SLC30A9: variants seen among roughly 807,000 people sequenced by gnomAD.
The protein encoded by SLC30A9 is solute carrier family 30 member 9.
A neutral mutation model predicts 87.5 loss-of-function variants in SLC30A9; 58 were observed. The ratio of observed to expected loss-of-function variants is 0.66; its 90% confidence interval spans 0.54 to 0.82. SLC30A9 has a LOEUF of 0.82. SLC30A9 is among the 40% of genes least tolerant of loss of function. SLC30A9 has a pLI of 0.00. For missense variants in SLC30A9, 557 were observed against 679.1 expected, an observed-to-expected ratio of 0.82 and a Z score of 2.00; for synonymous variants, 234 against 233.0, an observed-to-expected ratio of 1.00 and a Z score of -0.04.
In SLC30A9 at chr4:42,070,691, G is replaced by C. The variant is rs144592772; in HGVS notation, c.1418G>C (p.Arg473Thr). The stretch of plus-strand genomic sequence containing the variant: ...CTCCTGGAGAATGACCCATCAGTAA[G>C]GTCAGCCTTATTCCAGTAATCCTGT... ...TELLENDPSVRAIHDVKATDL... is the reference protein window; with the variant it reads ...TELLENDPSVTAIHDVKATDL... The change falls in exon 15 of 18, where the codon AGG becomes ACG. Residue 473 changes from arginine to threonine, a missense_variant and splice_region_variant. Physicochemically the swap from Arg to Thr is moderately conservative, Grantham distance 71. Coordinates refer to ENST00000264451, the MANE Select transcript of SLC30A9 (RefSeq NM_006345.4). The C allele has an allele frequency of 3.1e-6, 5 of 1,612,026 alleles. No homozygotes were observed. The African/African-American group carries it at 6.7e-5, about 22-fold the overall frequency.
intron 1 of SLC30A9, among the ~76,000 whole-genome samples, chr4:41,995,565 A>T (rs1383559625): frequency 6.6e-6 from 1 of 152,182 alleles, no homozygotes; most frequent in Non-Finnish European, 1.5e-5. Context: ...ATTTCATTCG[A>T]TAAGATGGCC....
At chr4:42,062,831 A>G (rs183802779) in intron 10 of SLC30A9, among the ~76,000 whole-genome samples, 155 bp from the exon 11 acceptor site, 15 of 152,300 alleles carry the variant, frequency 9.8e-5, no homozygotes, top group African/African-American at 1.4e-4. Context: ...TCCACTTTAC[A>G]TATTGCTTTT....
intron 17 of SLC30A9, among the ~76,000 whole-genome samples, chr4:42,085,681 C>T (rs540482708): frequency 5.5e-4 from 84 of 152,180 alleles, no homozygotes; most frequent in Middle Eastern, 3.4e-3. Flanking sequence ...GCACAGGGCC[C>T]GGCCCAAGAA....
chr4:42,018,463 A>T lies in SLC30A9; in HGVS notation c.334+293A>T, dbSNP rs147476941. On this transcript the variant is annotated intron_variant, in intron 3 of 17. Transcript: ENST00000264451. The stretch of plus-strand genomic sequence containing the variant: ...TTTAGAAGAGTAAGGCAATTAAAGA[A>T]CAAGAGGCCCACACTTTTCAGCTAC... The T allele has an allele frequency of 7.3e-5, 90 of 1,231,402 alleles. 1 individual carries two copies. The African/African-American group carries it at 1.4e-3, about 19-fold the overall frequency. The allele number at this position is 1,231,402 out of a possible 1,614,324, so 76.3% of individuals were successfully genotyped here.
At chr4:42,072,329 T>C (rs1718344829) in intron 15 of SLC30A9, among the ~76,000 whole-genome samples, 1 of 152,090 alleles carries the variant, frequency 6.6e-6, no homozygotes, top group African/African-American at 2.4e-5. Flanking sequence ...TAGTTTGCTC[T>C]TTTTCCACTG....
intron 1 of SLC30A9, among the ~76,000 whole-genome samples, chr4:41,992,900 TA>T (rs1714515017): frequency 6.6e-6 from 1 of 152,102 alleles, no homozygotes; most frequent in South Asian, 2.1e-4. Flanking sequence ...CAGTTGTTTT[TA>T]TTTGTCTAGA....
intron 13 of SLC30A9, 38 bp downstream of exon 13, chr4:42,066,659 C>T (rs1380026132): frequency 4.4e-6 from 6 of 1,374,438 alleles, no homozygotes; most frequent in African/African-American, 1.4e-5. Context: ...TTTCACCTCC[C>T]TTATTTGCTT....
chr4:42,043,924 TAAAGAA>T (rs1294875765), intron 8 of SLC30A9, among the ~76,000 whole-genome samples: 1 of 152,172 alleles, frequency 6.6e-6, no homozygotes, highest in Non-Finnish European at 1.5e-5. Context: ...TCAACATTCT[TAAAGAA>T]AAGAATTTTT....
At chr4:42,063,873 A>G (rs537859649) in intron 11 of SLC30A9, among the ~76,000 whole-genome samples, 1 of 152,262 alleles carries the variant, frequency 6.6e-6, no homozygotes, top group Non-Finnish European at 1.5e-5. Flanking sequence ...GTTTCCAGAC[A>G]GTGCTGAAGT....
chr4:42,061,564 C>T (rs1298902749), intron 10 of SLC30A9, among the ~76,000 whole-genome samples: 3 of 152,220 alleles, frequency 2.0e-5, no homozygotes, highest in African/African-American at 4.8e-5. Flanking sequence ...GGCAGGATTA[C>T]TCTTTGCAAA....
rs186006586 is a variant in SLC30A9, at chr4:42,010,524, C to A, written c.275-7587C>A. Among the ~76,000 whole-genome samples the A allele has an allele frequency of 3.2e-3, 487 of 152,248 alleles. 2 individuals carry two copies. Among genetic ancestry groups the A allele is most frequent in the African/African-American group, 0.011 (466 of 41,552 alleles). On this transcript the variant is annotated intron_variant, in intron 2 of 17. Coordinates refer to ENST00000264451, the MANE Select transcript of SLC30A9 (RefSeq NM_006345.4). Reference sequence around the variant, plus strand: ...AATAAACACACACACAGTATTTGGTCATTTTCCTAGTGGTTTTCACTGAAA... The same window carrying A: ...AATAAACACACACACAGTATTTGGTAATTTTCCTAGTGGTTTTCACTGAAA...
intron 2 of SLC30A9, among the ~76,000 whole-genome samples, chr4:42,003,921 T>A (rs968358820): frequency 6.6e-6 from 1 of 152,218 alleles, no homozygotes; most frequent in African/African-American, 2.4e-5. Flanking sequence ...TTAATTCTGA[T>A]CACCGCCTCC....
chr4:42,048,247 TG>T (rs1717249768), intron 8 of SLC30A9, among the ~76,000 whole-genome samples: 1 of 151,990 alleles, frequency 6.6e-6, no homozygotes, highest in South Asian at 2.1e-4. Context: ...AAATAAACAT[TG>T]TTTAAAAAAA....
At chr4:42,018,388 G>A in intron 3 of SLC30A9, 1 of 1,299,608 alleles carries the variant, frequency 7.7e-7, no homozygotes, top group Non-Finnish European at 1.0e-6. Context: ...TTTTTCAAAA[G>A]CCCAAGAAAG....
At chr4:42,005,673 A>G (rs974698518) in intron 2 of SLC30A9, among the ~76,000 whole-genome samples, 9 of 152,108 alleles carry the variant, frequency 5.9e-5, no homozygotes, top group African/African-American at 1.9e-4. Context: ...TGATATGTTC[A>G]TTTGTTCTGT....
chr4:42,026,403 G>T (rs1265034330), intron 6 of SLC30A9, among the ~76,000 whole-genome samples: 1 of 152,126 alleles, frequency 6.6e-6, no homozygotes, highest in African/African-American at 2.4e-5. Flanking sequence ...AATGTATCAG[G>T]ATTAAAGTAG....
intron 8 of SLC30A9, among the ~76,000 whole-genome samples, chr4:42,046,238 A>G (rs1482543538): frequency 1.3e-5 from 2 of 152,216 alleles, no homozygotes; most frequent in Non-Finnish European, 2.9e-5. Context: ...TGGCCAGGGC[A>G]ATCAGGCAAG....
chr4:42,039,605 GGT>G (rs1716836064), intron 8 of SLC30A9, among the ~76,000 whole-genome samples: 2 of 151,836 alleles, frequency 1.3e-5, no homozygotes, highest in Admixed American at 6.6e-5. Context: ...TAGGATTATA[GGT>G]GCGCGCCATC....
intron 2 of SLC30A9, among the ~76,000 whole-genome samples, chr4:42,005,049 G>A (rs978239628): frequency 6.6e-6 from 1 of 152,116 alleles, no homozygotes; most frequent in East Asian, 1.9e-4. Context: ...CATTAGATAC[G>A]TTAAACATAG....
Sources: allele counts gnomAD v4.1 joint callset (sites outside exome capture counted in the v4.1 genomes callset), GRCh38; gene constraint gnomAD v4.1.1; transcripts MANE v1.5; gene names NCBI Gene and HGNC (gene_info 2026-07-23, HGNC 2026-07-21).